The following BRSK2 variants were observed in gnomAD, a reference collection of about 807,000 sequenced individuals.
BRSK2 encodes the protein serine/threonine-protein kinase BRSK2.
In BRSK2, 19 loss-of-function variants were observed where a neutral mutation model predicts 83.3. That is an observed-to-expected ratio of 0.23 (90% CI 0.16 to 0.33). The LOEUF is 0.33. Among genes scored for constraint, BRSK2 ranks in the 10% least tolerant of loss-of-function variants. The pLI is 1.00. For synonymous variants in BRSK2, 519 were observed against 435.4 expected, an observed-to-expected ratio of 1.19 and a Z score of -2.39; for missense variants, 798 against 1,042.3, an observed-to-expected ratio of 0.77 and a Z score of 3.23.
chr11:1,446,323 ATGGGCTGAGACGGATTTGAC>A (rs1852113147), intron 12 of BRSK2, among the ~76,000 whole-genome samples: 2 of 135,378 alleles, frequency 1.5e-5, no homozygotes, highest in African/African-American at 2.9e-5. Context: ...CTGCACTAGA[ATGGGCTGAGACGGATTTGAC>A]TGGGCTGAGC....
chr11:1,457,108 C>G, intron 18 of BRSK2: 9 of 1,429,338 alleles, frequency 6.3e-6, no homozygotes, highest in South Asian at 1.3e-5. Flanking sequence ...CTCGGCGGAG[C>G]CAGGCTGGCC....
chr11:1,442,901 G>A (rs12293991), intron 5 of BRSK2, among the ~76,000 whole-genome samples: 23,365 of 152,142 alleles, frequency 0.15, 1,942 homozygotes, highest in Middle Eastern at 0.25. Context: ...CCAGCCGAGT[G>A]GGCAGACAGC....
At chr11:1,440,107 C>G (rs373492595) in intron 3 of BRSK2, among the ~76,000 whole-genome samples, 2 of 152,206 alleles carry the variant, frequency 1.3e-5, no homozygotes, top group Non-Finnish European at 2.9e-5. Context: ...GCCTCCCCCC[C>G]GAGCTGGTTC....
In BRSK2 at chr11:1,454,645, TC is replaced by T. The variant is rs774035980; in HGVS notation, c.1668+40del. On this transcript the variant is annotated intron_variant, in intron 16 of 19. Transcript: ENST00000528841. The surrounding 1 kb of genome is among the most constrained non-coding windows in gnomAD (Gnocchi z 5.2). ...GGGCGCTGGGGGAGGCGGGCAGCCCTCCCAACCCCACACGGCCCAGCCCCGA... is the reference window on the plus strand; with the variant it reads ...GGGCGCTGGGGGAGGCGGGCAGCCCTCCAACCCCACACGGCCCAGCCCCGA... 7 of 1,609,310 alleles carry T rather than the reference TC, an allele frequency of 4.3e-6. No homozygotes were observed. The Admixed American group carries it at 1.2e-4, about 27-fold the overall frequency.
At chr11:1,446,379 A>AGGGCTGGGCT (rs147303419) in intron 12 of BRSK2, among the ~76,000 whole-genome samples, 1 of 118,258 alleles carries the variant, frequency 8.5e-6, no homozygotes, top group Non-Finnish European at 1.8e-5. Context: ...TGAGCTGGGC[A>AGGGCTGGGCT]GGGCTGGGCT....
At chr11:1,449,504 C>T (rs575440617) in intron 12 of BRSK2, among the ~76,000 whole-genome samples, 27 of 152,322 alleles carry the variant, frequency 1.8e-4, no homozygotes, top group African/African-American at 6.5e-4. Flanking sequence ...TTTGCCGCGG[C>T]TGTCTGATGC....
chr11:1,443,046 C>A, intron 5 of BRSK2, 60 bp from the exon 6 acceptor site: 1 of 1,513,078 alleles, frequency 6.6e-7, no homozygotes, highest in Non-Finnish European at 8.8e-7. Flanking sequence ...CACCATCACC[C>A]TGGGGGGAGG....
chr11:1,461,144 G>A lies in BRSK2; in HGVS notation c.*421G>A. On this transcript the variant is annotated 3_prime_UTR_variant, in exon 20 of 20. Transcript: ENST00000528841. ...CTCGCCTCAGCTCCGCACGGCCCGT[G>A]GGAGGAAGGCCAGGCTCGGGGGAGC... 1.7e-6 allele frequency: 2 copies of A among 1,173,142 alleles called. No homozygotes were observed. Among genetic ancestry groups the A allele is most frequent in the East Asian group, 2.7e-5 (1 of 36,728 alleles). 72.7% of individuals were successfully genotyped at this position (1,173,142 alleles called of 1,614,324 possible). A position where few individuals can be genotyped will look rare whatever the true frequency, so the allele number is the denominator to read the frequency against.
chr11:1,416,921 G>A (rs1406433763), intron 1 of BRSK2, among the ~76,000 whole-genome samples: 1 of 152,168 alleles, frequency 6.6e-6, no homozygotes, highest in Non-Finnish European at 1.5e-5. Context: ...AACACTTTGG[G>A]AGGTCAAGGA....
intron 1 of BRSK2, chr11:1,410,946 G>T (rs1179197431): frequency 2.0e-6 from 2 of 990,510 alleles, no homozygotes; most frequent in East Asian, 2.2e-4. Flanking sequence ...GCCCTTGCTG[G>T]CTGGGGTGGG....
chr11:1,420,353 T>G (rs1019549986), intron 1 of BRSK2, among the ~76,000 whole-genome samples: 11 of 152,186 alleles, frequency 7.2e-5, no homozygotes, highest in Non-Finnish European at 1.6e-4. Context: ...TGGCAGATGC[T>G]CCAGGGTGTC....
chr11:1,447,877 C>A (rs1445823438), intron 12 of BRSK2: 2 of 1,589,350 alleles, frequency 1.3e-6, no homozygotes, highest in South Asian at 1.1e-5. Flanking sequence ...TACACCCCGA[C>A]CACCCGTCCC....
chr11:1,447,694 G>A, intron 12 of BRSK2: 2 of 1,052,142 alleles, frequency 1.9e-6, no homozygotes, highest in Non-Finnish European at 2.8e-6. Context: ...AGCGGCCTCA[G>A]AGCCACGTGG....
At chr11:1,406,323 T>A (rs1846874448) in intron 1 of BRSK2, among the ~76,000 whole-genome samples, 1 of 152,078 alleles carries the variant, frequency 6.6e-6, no homozygotes, top group Non-Finnish European at 1.5e-5. Context: ...AAAACAAAAA[T>A]TAGCCGGGCA....
chr11:1,459,251 C>G lies in BRSK2; in HGVS notation c.1987+12C>G. On this transcript the variant is annotated intron_variant, in intron 19 of 19. Transcript: ENST00000528841. ...GCTTTCCAAATGTGGTAAGAATCCCCCACGCTCACCTGGCACCTCCACCTG... is the reference window on the plus strand; with the variant it reads ...GCTTTCCAAATGTGGTAAGAATCCCGCACGCTCACCTGGCACCTCCACCTG... 1 of 1,613,460 alleles carries G rather than the reference C, an allele frequency of 6.2e-7. No individual in the cohort carries two copies.
At chr11:1,412,851 C>G (rs980185311) in intron 1 of BRSK2, among the ~76,000 whole-genome samples, 10 of 152,148 alleles carry the variant, frequency 6.6e-5, no homozygotes, top group Non-Finnish European at 1.2e-4. Context: ...CCAGGCAACC[C>G]TGCGTCCCAG....
Position 1,390,140 on chromosome 11 carries a change from C to T in BRSK2, c.-145C>T. On this transcript the variant is annotated 5_prime_UTR_variant, in exon 1 of 20. The change creates a new upstream start codon in the 5' untranslated region. Transcript: ENST00000528841. This position sits in a 1 kb window ranked among gnomAD's most constrained non-coding sequence, Gnocchi z 6.8. ...CGCGGGGGGCGGCGGCGCGGGCGGA[C>T]GCGGGCGGCGCGAAGCAGCGGGGCC... 1 of 204,200 alleles carries T rather than the reference C, an allele frequency of 4.9e-6. No individual in the cohort carries two copies. The highest frequency in any genetic ancestry group is 8.4e-6 in the Non-Finnish European group (1 of 119,136). The allele number at this position is 204,200 out of a possible 1,614,324, so 12.6% of individuals were successfully genotyped here. A position where few individuals can be genotyped will look rare whatever the true frequency, so the allele number is the denominator to read the frequency against.
chr11:1,440,315 C>G (rs939994413), intron 3 of BRSK2, among the ~76,000 whole-genome samples: 2 of 152,202 alleles, frequency 1.3e-5, no homozygotes, highest in African/African-American at 4.8e-5. Flanking sequence ...CTGTTCCCCC[C>G]ACAGAGGCCC....
rs1465105706 is a variant in BRSK2 at position 1,438,530 on chromosome 11, G to T, written c.272+139G>T. The stretch of plus-strand genomic sequence containing the variant: ...CATCCCAGCAGCCCTGGCCCTGCTA[G>T]CATGAACACCTGCCTGGGTAGGGTC... On this transcript the variant is annotated intron_variant, in intron 3 of 19. Transcript: ENST00000528841. The surrounding 1 kb of genome is among the most constrained non-coding windows in gnomAD (Gnocchi z 6.4). 5.5e-6 allele frequency: 4 copies of T among 726,674 alleles called. No individual in the cohort carries two copies. The East Asian group carries it at 8.1e-5, about 15-fold the overall frequency. 45.0% of individuals were successfully genotyped at this position (726,674 alleles called of 1,614,324 possible).
Sources: allele counts gnomAD v4.1 joint callset (sites outside exome capture counted in the v4.1 genomes callset), GRCh38; gene constraint gnomAD v4.1.1; non-coding constraint Gnocchi (gnomAD v3.1); transcripts MANE v1.5; gene names NCBI Gene and HGNC (gene_info 2026-07-23, HGNC 2026-07-21).